Variants in HNF4G observed in about 807,000 individuals in gnomAD.
HNF4G encodes hepatocyte nuclear factor 4 gamma, also known as hepatocyte nuclear factor 4-gamma.
In HNF4G, 21 loss-of-function variants were observed where a neutral mutation model predicts 50.9. The observed-to-expected ratio is 0.41, with a 90% CI of 0.29 to 0.59. The LOEUF (loss-of-function observed/expected upper bound fraction) is 0.59. HNF4G is among the 20% of genes least tolerant of loss of function. HNF4G has a pLI of 0.26. For missense variants in HNF4G, 527 were observed against 559.4 expected (o/e 0.94, Z 0.58); for synonymous variants, 198 against 185.6 (o/e 1.07, Z -0.54).
intron 2 of HNF4G, among the ~76,000 whole-genome samples, chr8:75,504,417 T>C (rs1813018601): frequency 1.3e-5 from 2 of 152,282 alleles, no homozygotes; most frequent in South Asian, 4.1e-4. Flanking sequence ...GACATGCTCT[T>C]AAAACTGGGA....
rs530019388 is a variant in HNF4G at position 75,557,952 on chromosome 8, G to A, written c.734-566G>A. The stretch of plus-strand genomic sequence containing the variant: ...ACTCCCTTAAAGTCAGCCTTATAAA[G>A]TGGTTATCCCACCTCTATTTAAAGA... On this transcript the variant is annotated intron_variant, in intron 6 of 9. Transcript: ENST00000396423. Among the ~76,000 whole-genome samples the A allele has an allele frequency of 7.9e-5, 12 of 152,108 alleles. No individual in the cohort carries two copies. The East Asian group carries it at 2.3e-3, about 30-fold the overall frequency.
chr8:75,562,472 CAGAA>C (rs77950823), intron 9 of HNF4G, among the ~76,000 whole-genome samples: 2,338 of 152,150 alleles, frequency 0.015, 27 homozygotes, highest in Middle Eastern at 0.078. Flanking sequence ...TAATCAATAG[CAGAA>C]AGAGAGGGGC....
upstream of HNF4G, among the ~76,000 whole-genome samples, chr8:75,536,199 A>G (rs1806459315): frequency 6.6e-6 from 1 of 151,902 alleles, no homozygotes. Flanking sequence ...TCAGTAGTTC[A>G]TAGTTCATCA....
At chr8:75,562,292 A>G (rs1219531110) in intron 9 of HNF4G, among the ~76,000 whole-genome samples, 1 of 152,206 alleles carries the variant, frequency 6.6e-6, no homozygotes, top group African/African-American at 2.4e-5. Flanking sequence ...TGTAAATAGT[A>G]TCTGAAACCA....
chr8:75,461,043 A>AT (rs1182324043), intron 1 of HNF4G, among the ~76,000 whole-genome samples: 1 of 152,216 alleles, frequency 6.6e-6, no homozygotes, highest in Non-Finnish European at 1.5e-5. Flanking sequence ...AAAGAGGTTT[A>AT]TAGAGGTTAA....
chr8:75,414,631 C>T (rs1287380038), intron 1 of HNF4G, among the ~76,000 whole-genome samples: 1 of 152,128 alleles, frequency 6.6e-6, no homozygotes, highest in African/African-American at 2.4e-5. Flanking sequence ...AATTTTATAT[C>T]CATGGGGTCA....
rs143579594 is a variant in HNF4G, at chr8:75,442,893, C to G, written c.-144+34731C>G. On this transcript the variant is annotated intron_variant, in intron 1 of 10. Coordinates refer to the HNF4G transcript ENST00000354370. ...ACAAGTAATGATCAGATGACCATGA[C>G]TGGAAAGCATGACAGAGCACAGGAA... 2.4e-3 allele frequency among the ~76,000 whole-genome samples: 364 copies of G among 148,818 alleles called. 1 individual carries two copies. The highest frequency in any genetic ancestry group is 8.4e-3 in the African/African-American group (346 of 41,310).
intron 3 of HNF4G, among the ~76,000 whole-genome samples, chr8:75,551,137 C>G (rs1806939485): frequency 6.6e-6 from 1 of 152,118 alleles, no homozygotes. Flanking sequence ...CGTGGCGGAA[C>G]TGGCTGACCC....
intron 2 of HNF4G, among the ~76,000 whole-genome samples, chr8:75,507,863 TAAAAG>T (rs1432535536): frequency 6.6e-6 from 1 of 152,046 alleles, no homozygotes; most frequent in African/African-American, 2.4e-5. Context: ...ACTTAAAACA[TAAAAG>T]AAATAAATGG....
At chr8:75,535,497 T>C (rs187298453), upstream of HNF4G, among the ~76,000 whole-genome samples, 48 of 151,798 alleles carry the variant, frequency 3.2e-4, no homozygotes, top group Non-Finnish European at 6.1e-4. Context: ...ATTGTTATTC[T>C]TCTTCATTTA....
intron 1 of HNF4G, among the ~76,000 whole-genome samples, chr8:75,483,248 CACTT>C (rs1004949869): frequency 4.9e-5 from 6 of 123,630 alleles, no homozygotes; most frequent in Non-Finnish European, 6.5e-5. Flanking sequence ...TCAAATAAGT[CACTT>C]AATTTTTTTT....
At chr8:75,501,704 T>C (rs1253525291) in intron 2 of HNF4G, among the ~76,000 whole-genome samples, 1 of 152,190 alleles carries the variant, frequency 6.6e-6, no homozygotes, top group Non-Finnish European at 1.5e-5. Flanking sequence ...AGAAATGTTT[T>C]TTAAATTGAC....
intron 2 of HNF4G, among the ~76,000 whole-genome samples, chr8:75,521,666 C>A (rs574407423): frequency 1.2e-4 from 18 of 152,214 alleles, no homozygotes; most frequent in Non-Finnish European, 2.1e-4. Flanking sequence ...TAATTTGATA[C>A]CATCTTTTAC....
In HNF4G at chr8:75,551,451, C is replaced by G; in HGVS notation, c.446C>G (p.Pro149Arg). ...AGCACATTTGATGGCAGCAACATCC[C>G]CTCCATTAACACACTGGCACAAGCT... The part of the protein sequence containing the change: ...RRSTFDGSNI[P>R]SINTLAQAEV... Residue 149 changes from proline (P) to arginine (R), a missense_variant, in exon 4 of 10, where the codon CCC becomes CGC. By Grantham distance (103) the Pro-to-Arg change is moderately radical. Around this residue, in one of 5 missense-constraint regions of HNF4G, gnomAD observed 128 missense variants for 135.3 expected, o/e 0.95. Coordinates refer to ENST00000396423, the MANE Select transcript of HNF4G (RefSeq NM_004133.5). 6.2e-7 allele frequency: 1 copy of G among 1,613,254 alleles called. No individual in the cohort carries two copies. Among genetic ancestry groups the G allele is most frequent in the Non-Finnish European group, 8.5e-7 (1 of 1,179,390 alleles).
chr8:75,461,140 G>A (rs560813928), intron 1 of HNF4G, among the ~76,000 whole-genome samples: 2 of 152,084 alleles, frequency 1.3e-5, no homozygotes, highest in East Asian at 1.9e-4. Context: ...AAATTACCAC[G>A]AACTGAGTGT....
intron 1 of HNF4G, among the ~76,000 whole-genome samples, chr8:75,456,421 C>G (rs1217333665): frequency 6.6e-6 from 1 of 152,016 alleles, no homozygotes; most frequent in African/African-American, 2.4e-5. Flanking sequence ...CAAAAAATCC[C>G]TTTTTTATCT....
chr8:75,547,760 A>G, intron 3 of HNF4G, 79 bp downstream of exon 3: 1 of 880,142 alleles, frequency 1.1e-6, no homozygotes, highest in South Asian at 1.4e-5. Context: ...TGATTAGTAT[A>G]ACTTTTTACA....
At chr8:75,436,251 T>C (rs1811133526) in intron 1 of HNF4G, among the ~76,000 whole-genome samples, 1 of 152,134 alleles carries the variant, frequency 6.6e-6, no homozygotes, top group African/African-American at 2.4e-5. Flanking sequence ...GCAATTCCTA[T>C]TGTCTCACCA....
At chr8:75,505,504 T>G (rs1235650981) in intron 2 of HNF4G, among the ~76,000 whole-genome samples, 1 of 152,174 alleles carries the variant, frequency 6.6e-6, no homozygotes, top group African/African-American at 2.4e-5. Context: ...GTTTGGGACC[T>G]TAGATCCAGA....
Sources: gnomAD v4.1 joint callset for allele counts (sites outside exome capture counted in the v4.1 genomes callset) on GRCh38, gnomAD v4.1.1 for gene constraint, gnomAD v4.1.1 regional missense constraint, MANE v1.5 for transcripts, NCBI Gene and HGNC (gene_info 2026-07-23, HGNC 2026-07-21) for gene names.